Variants in TMEM181 observed in about 807,000 individuals in gnomAD.
The protein encoded by TMEM181 is G protein-coupled receptor 178.
Under a neutral mutation model 71.9 loss-of-function variants are expected in TMEM181, and 39 were observed. The ratio of observed to expected loss-of-function variants is 0.54; its 90% CI spans 0.42 to 0.71. The LOEUF (loss-of-function observed/expected upper bound fraction) is 0.71, where lower values mean the gene tolerates loss of function less well. Among genes scored for constraint, TMEM181 ranks in the 30% least tolerant of loss-of-function variants. TMEM181 has a pLI of 0.00. For synonymous variants in TMEM181, 245 were observed against 228.8 expected (o/e 1.07, Z -0.64); for missense variants, 595 against 583.0 (o/e 1.02, Z -0.21).
In TMEM181 at chr6:158,632,386, C is replaced by T. The variant is rs1019305949; in HGVS notation, c.*498C>T. 3 of 165,902 alleles carry T rather than the reference C, an allele frequency of 1.8e-5. No individual in the cohort carries two copies. Among genetic ancestry groups the T allele is most frequent in the African/African-American group, 7.2e-5 (3 of 41,666 alleles). 10.3% of individuals were successfully genotyped at this position (165,902 alleles called of 1,614,324 possible). A position where few individuals can be genotyped will look rare whatever the true frequency, so the allele number is the denominator to read the frequency against. ...GTCCTTCCTCGTTGAGTGGCCAGTGCCCTGGGTAACCAGGTGGCTGAAGTG... is the reference window on the plus strand; with the variant it reads ...GTCCTTCCTCGTTGAGTGGCCAGTGTCCTGGGTAACCAGGTGGCTGAAGTG... On this transcript the variant is annotated 3_prime_UTR_variant, in exon 17 of 17. Coordinates refer to ENST00000684151, the MANE Select transcript of TMEM181 (RefSeq NM_001376852.1).
intron 1 of TMEM181, among the ~76,000 whole-genome samples, chr6:158,538,935 T>C (rs1781237770): frequency 6.6e-6 from 1 of 152,180 alleles, no homozygotes; most frequent in Admixed American, 6.5e-5. Context: ...CCTGGAGCAC[T>C]GTGGTCAGAG....
chr6:158,543,897 T>C (rs1211484801), intron 1 of TMEM181, among the ~76,000 whole-genome samples: 1 of 152,172 alleles, frequency 6.6e-6, no homozygotes, highest in Non-Finnish European at 1.5e-5. Flanking sequence ...GGATTTTGGC[T>C]CCTCTCTGCC....
intron 6 of TMEM181, among the ~76,000 whole-genome samples, chr6:158,600,458 ATTTTT>A (rs61457107): frequency 6.5e-5 from 6 of 91,870 alleles, no homozygotes; most frequent in Admixed American, 2.4e-4. Flanking sequence ...CCTAGGGTTA[ATTTTT>A]TTTTTTTTTT....
chr6:158,631,522 C>A, intron 16 of TMEM181, 133 bp downstream of exon 16: 1 of 1,023,098 alleles, frequency 9.8e-7, no homozygotes, highest in Non-Finnish European at 1.5e-6. Flanking sequence ...TCAAGTGGCT[C>A]GTGGTTTTCT....
At position 158,620,841 on chromosome 6, in the gene TMEM181, A is replaced by G. The variant is rs1398548252; in HGVS notation, c.897-2709A>G. Among the ~76,000 whole-genome samples, 2 of 152,206 alleles carry G rather than the reference A, an allele frequency of 1.3e-5. No homozygotes were observed. The highest frequency in any genetic ancestry group is 6.5e-5 in the Admixed American group (1 of 15,282). ...GTTTCAGCACCAAATGTAAGTGTTAAAGAGGAAAGAAACACGAAAAGCAGC... is the reference window on the plus strand; with the variant it reads ...GTTTCAGCACCAAATGTAAGTGTTAGAGAGGAAAGAAACACGAAAAGCAGC... On this transcript the variant is annotated intron_variant, in intron 10 of 16. Transcript: ENST00000684151. This position sits in a 1 kb window ranked among gnomAD's most constrained non-coding sequence, Gnocchi z 4.5.
chr6:158,536,893 C>A (rs1781129642), intron 1 of TMEM181: 1 of 1,319,430 alleles, frequency 7.6e-7, no homozygotes, highest in Non-Finnish European at 9.7e-7. Context: ...AGCGGCGGGG[C>A]GGCCGGAGGC....
chr6:158,631,761 TAA>T, intron 16 of TMEM181, 47 bp from the exon 17 acceptor site: 4 of 1,541,088 alleles, frequency 2.6e-6, no homozygotes, highest in Non-Finnish European at 3.5e-6. Flanking sequence ...AAGAGGAAAA[TAA>T]AGAGCTGTCA....
intron 1 of TMEM181, among the ~76,000 whole-genome samples, chr6:158,539,026 C>T (rs1321744967): frequency 2.0e-5 from 3 of 152,150 alleles, no homozygotes; most frequent in African/African-American, 7.2e-5. Flanking sequence ...AGTGTGAAGC[C>T]ACTAGAGGAT....
intron 13 of TMEM181, among the ~76,000 whole-genome samples, chr6:158,627,767 G>T (rs927028138): frequency 3.9e-5 from 6 of 152,010 alleles, no homozygotes; most frequent in African/African-American, 1.5e-4. Context: ...CCGCCAGAGG[G>T]TCTTGAGCTG....
upstream of TMEM181, among the ~76,000 whole-genome samples, chr6:158,558,672 C>G (rs1326576955): frequency 2.0e-5 from 3 of 152,218 alleles, no homozygotes; most frequent in Non-Finnish European, 4.4e-5. Context: ...GGTGTCTTCT[C>G]TTTTATGTTA....
intron 1 of TMEM181, among the ~76,000 whole-genome samples, chr6:158,549,871 G>A (rs745653058): frequency 5.3e-5 from 8 of 150,956 alleles, no homozygotes; most frequent in Non-Finnish European, 1.0e-4. Flanking sequence ...AGAGTCTTTT[G>A]TGATAGTTTT....
At position 158,635,201 on chromosome 6, in the gene TMEM181, ATGAC is replaced by A. The variant is rs1202656548; in HGVS notation, c.*3316_*3319del. The A allele has an allele frequency of 6.6e-6, 1 of 152,238 alleles. No individual in the cohort carries two copies. The highest frequency in any genetic ancestry group is 1.5e-5 in the Non-Finnish European group (1 of 68,044). The allele number at this position is 152,238 out of a possible 1,614,324, so 9.4% of individuals were successfully genotyped here. A position where few individuals can be genotyped will look rare whatever the true frequency, so the allele number is the denominator to read the frequency against. ...CTACTAAAAACTGCCTTTTTACAAA[ATGAC>A]TGTAAATATTTGTAAAATAAAATAA... On this transcript the variant is annotated 3_prime_UTR_variant, in exon 17 of 17. Coordinates refer to ENST00000684151, the MANE Select transcript of TMEM181 (RefSeq NM_001376852.1).
chr6:158,580,886 C>T (rs1783432888), intron 2 of TMEM181, 54 bp from the exon 3 acceptor site: 6 of 1,517,374 alleles, frequency 4.0e-6, no homozygotes, highest in Admixed American at 1.8e-5. Context: ...GAAAAAAATA[C>T]TAAATTATCA....
chr6:158,542,936 C>T (rs1305220651), intron 1 of TMEM181, among the ~76,000 whole-genome samples: 1 of 121,758 alleles, frequency 8.2e-6, no homozygotes, highest in Non-Finnish European at 1.6e-5. Context: ...AGTGCAGTGG[C>T]GTGATCTCAG....
At chr6:158,573,735 C>T (rs1332816125) in intron 2 of TMEM181, among the ~76,000 whole-genome samples, 1 of 152,198 alleles carries the variant, frequency 6.6e-6, no homozygotes, top group Non-Finnish European at 1.5e-5. Context: ...CCCCGAGTGA[C>T]CCTGGCCATG....
Position 158,625,744 on chromosome 6 carries a change from C to A in TMEM181, c.1099C>A (p.Leu367Ile). The change falls in exon 13 of 17, where the codon CTT (leucine) becomes ATT (isoleucine). Residue 367 changes from leucine (L) to isoleucine (I), a missense_variant. Coordinates refer to ENST00000684151, the MANE Select transcript of TMEM181 (RefSeq NM_001376852.1). ...TTTGACTGCATTGACTTTCGTAGTA[C>A]TTGTCATTAGGTAAGAAGACCTTAT... ...KFLTALTFVV[L>I]VISIAILYLR... The A allele has an allele frequency of 1.2e-6, 2 of 1,610,548 alleles. No homozygotes were observed. The highest frequency in any genetic ancestry group is 1.1e-5 in the South Asian group (1 of 89,678).
At chr6:158,624,729 A>C (rs1268051419) in intron 11 of TMEM181, among the ~76,000 whole-genome samples, 3 of 152,130 alleles carry the variant, frequency 2.0e-5, no homozygotes, top group Non-Finnish European at 4.4e-5. Flanking sequence ...CCTTTCTTGG[A>C]CACCTGCCAC....
intron 6 of TMEM181, among the ~76,000 whole-genome samples, chr6:158,590,660 C>T (rs1784058168): frequency 6.6e-6 from 1 of 152,196 alleles, no homozygotes. Context: ...GACAGAGTTT[C>T]ACCATGTTGG....
chr6:158,591,654 G>A (rs1782155606), intron 6 of TMEM181, among the ~76,000 whole-genome samples: 1 of 151,998 alleles, frequency 6.6e-6, no homozygotes, highest in Admixed American at 6.6e-5. Context: ...TTTAGACTTT[G>A]CTATTTCAGA....
Sources: gnomAD v4.1 joint callset for allele counts (sites outside exome capture counted in the v4.1 genomes callset) on GRCh38, gnomAD v4.1.1 for gene constraint, Gnocchi (gnomAD v3.1) non-coding constraint, MANE v1.5 for transcripts, NCBI Gene and HGNC (gene_info 2026-07-23, HGNC 2026-07-21) for gene names.